The following NAA11 variants were observed in gnomAD, a reference collection of about 807,000 sequenced individuals.
NAA11 encodes N-alpha-acetyltransferase 11.
A neutral mutation model predicts 16.1 loss-of-function variants in NAA11; 15 were observed. That is an observed-to-expected ratio of 0.93 (90% CI 0.62 to 1.44). NAA11 has a LOEUF of 1.44. NAA11 is among the 40% of genes most tolerant of loss of function. NAA11 has a pLI of 0.00. For missense variants in NAA11, 298 were observed against 291.3 expected (o/e 1.02, Z -0.17); for synonymous variants, 122 against 112.4 (o/e 1.09, Z -0.54).
intron 1 of NAA11, among the ~76,000 whole-genome samples, chr4:79,295,924 T>C (rs1578184044): frequency 6.6e-6 from 1 of 152,204 alleles, no homozygotes; most frequent in Non-Finnish European, 1.5e-5. Flanking sequence ...AGAAGTAACA[T>C]GTCTTTAAAG....
chr4:79,257,913 A>G (rs575845949), intron 2 of NAA11, among the ~76,000 whole-genome samples: 23 of 152,378 alleles, frequency 1.5e-4, no homozygotes, highest in African/African-American at 5.3e-4. Context: ...AAATTTGTCT[A>G]TATGTAATCA....
chr4:79,311,742 CA>C (rs1238898544), downstream of NAA11, among the ~76,000 whole-genome samples: 1 of 152,146 alleles, frequency 6.6e-6, no homozygotes, highest in Non-Finnish European at 1.5e-5. Flanking sequence ...ATTAGACACA[CA>C]AAAGCTGTGA....
At chr4:79,159,207 G>A in the NAA11 span, among the ~76,000 whole-genome samples, 1 of 152,122 alleles carries the variant, frequency 6.6e-6, no homozygotes, top group African/African-American at 2.4e-5. Flanking sequence ...GCACTAATAT[G>A]CAGAATCTAC....
chr4:79,199,697 G>A, the NAA11 span, among the ~76,000 whole-genome samples: 1 of 151,826 alleles, frequency 6.6e-6, no homozygotes, highest in South Asian at 2.1e-4. Context: ...TACAAAAAAG[G>A]GAGAGCTTTG....
At chr4:79,170,933 C>CA in the NAA11 span, among the ~76,000 whole-genome samples, 44 of 151,354 alleles carry the variant, frequency 2.9e-4, 1 homozygote, top group South Asian at 1.0e-3. Flanking sequence ...CACAAAAAAA[C>CA]AAAAAAAAAA....
the NAA11 span, among the ~76,000 whole-genome samples, chr4:79,193,790 G>T: frequency 6.6e-6 from 1 of 152,086 alleles, no homozygotes; most frequent in Admixed American, 6.6e-5. Flanking sequence ...GATGGGGATG[G>T]CATTGAATCT....
At chr4:79,187,629 A>C in the NAA11 span, among the ~76,000 whole-genome samples, 1 of 152,150 alleles carries the variant, frequency 6.6e-6, no homozygotes, top group Non-Finnish European at 1.5e-5. Context: ...AGGAATTTTA[A>C]GATGTGTTTA....
chr4:79,311,598 T>C lies in NAA11; in HGVS notation c.*12+13578A>G, dbSNP rs1723771745. ...GTTGCTATCTTTATAAAGCAAGGTA[T>C]ATGCAATTACATATTTCAACATTTC... On this transcript the variant is annotated intron_variant and NMD_transcript_variant, in intron 1 of 2. Transcript: ENST00000511542. Among the ~76,000 whole-genome samples, 4 of 152,234 alleles carry C rather than the reference T, an allele frequency of 2.6e-5. No homozygotes were observed. The South Asian group carries it at 8.3e-4, about 32-fold the overall frequency.
chr4:79,191,775 G>A, the NAA11 span, among the ~76,000 whole-genome samples: 2 of 152,116 alleles, frequency 1.3e-5, no homozygotes. Context: ...TTTCAGGATG[G>A]TAATGCCTAG....
intron 1 of NAA11, among the ~76,000 whole-genome samples, chr4:79,309,028 G>A (rs532156388): frequency 2.0e-5 from 3 of 152,292 alleles, no homozygotes; most frequent in Non-Finnish European, 4.4e-5. Flanking sequence ...GGGGATGTAT[G>A]AAAAGATAAG....
In NAA11 at chr4:79,304,686, T is replaced by C. The variant is rs543627374; in HGVS notation, c.*13-10572A>G. Among the ~76,000 whole-genome samples, 3 of 152,258 alleles carry C rather than the reference T, an allele frequency of 2.0e-5. No homozygotes were observed. The South Asian group carries it at 6.2e-4, about 32-fold the overall frequency. On this transcript the variant is annotated intron_variant and NMD_transcript_variant, in intron 1 of 2. Coordinates refer to the NAA11 transcript ENST00000511542. ...ATTTCATCCTCAAAAATATCCTTTT[T>C]GGGATTTTTATATGGTCACACTACC...
At chr4:79,282,419 C>A (rs1722814978) in intron 2 of NAA11, among the ~76,000 whole-genome samples, 1 of 151,786 alleles carries the variant, frequency 6.6e-6, no homozygotes, top group South Asian at 2.1e-4. Context: ...TATTAGGAGA[C>A]AATAGAAGAA....
intron 2 of NAA11, among the ~76,000 whole-genome samples, chr4:79,229,850 T>C (rs28704600): frequency 0.12 from 18,377 of 151,982 alleles, 1,355 homozygotes; most frequent in African/African-American, 0.19. Flanking sequence ...AAATTTGAAC[T>C]CAGGTCCTCC....
chr4:79,239,509 G>A lies in NAA11; in HGVS notation c.*123-13239C>T, dbSNP rs913684906. ...CGAGGCTAAGAATTCAAGACCAGCC[G>A]GCCAACGTGGCAAAAGCCCATCCTA... On this transcript the variant is annotated intron_variant and NMD_transcript_variant, in intron 2 of 2. Transcript: ENST00000511542. 3.3e-5 allele frequency among the ~76,000 whole-genome samples: 5 copies of A among 152,104 alleles called. No homozygotes were observed. In the South Asian group the frequency reaches 8.3e-4, roughly 25 times the overall value.
Position 79,325,193 on chromosome 4 carries a change from A to T in NAA11, c.685T>A (p.Ser229Thr), listed in dbSNP as rs1160264628. ...QDSSESSDST[S>T] ...CAGAATACCTTAAGCATGCTCTAGG[A>T]GGTGGAATCCGAGCTTTCTGAGCTG... The change falls in exon 1 of 2, where the codon TCC becomes ACC. Residue 229 changes from serine (S) to threonine (T), a missense_variant. Transcript: ENST00000286794. 3 of 1,606,800 alleles carry T rather than the reference A, an allele frequency of 1.9e-6. No individual in the cohort carries two copies. Among genetic ancestry groups the T allele is most frequent in the Non-Finnish European group, 2.6e-6 (3 of 1,176,302 alleles).
chr4:79,280,259 T>TAAAAA (rs376899153), intron 2 of NAA11, among the ~76,000 whole-genome samples: 93,838 of 151,780 alleles, frequency 0.62, 30,326 homozygotes, highest in African/African-American at 0.8. Context: ...TGCCTCTTTT[T>TAAAAA]GAGGCACAGT....
At chr4:79,225,224 C>T (rs1721283758), downstream of NAA11, among the ~76,000 whole-genome samples, 1 of 151,998 alleles carries the variant, frequency 6.6e-6, no homozygotes, top group South Asian at 2.1e-4. Context: ...TTGCAATTTT[C>T]CTGTAAATAT....
chr4:79,262,009 G>C (rs1320532579), intron 2 of NAA11, among the ~76,000 whole-genome samples: 1 of 152,012 alleles, frequency 6.6e-6, no homozygotes, highest in Non-Finnish European at 1.5e-5. Context: ...TAAAACATTA[G>C]AGAGAACTGG....
the NAA11 span, among the ~76,000 whole-genome samples, chr4:79,157,860 C>T: frequency 4.0e-5 from 6 of 149,674 alleles, no homozygotes; most frequent in Middle Eastern, 3.2e-3. Context: ...GCATCCAAAT[C>T]GGTAAAGAAG....
Sources: allele counts gnomAD v4.1 joint callset (sites outside exome capture counted in the v4.1 genomes callset), GRCh38; gene constraint gnomAD v4.1.1; transcripts MANE v1.5; gene names NCBI Gene and HGNC (gene_info 2026-07-23, HGNC 2026-07-21).